Variants in CCDC40 observed in about 807,000 individuals in gnomAD.
CCDC40 encodes the protein coiled-coil domain-containing protein 40.
Under a neutral mutation model 124.5 loss-of-function variants are expected in CCDC40, and 104 were observed. That is an observed-to-expected ratio of 0.84 (90% confidence interval 0.71 to 0.98). The LOEUF (loss-of-function observed/expected upper bound fraction) is 0.98, where lower values mean the gene tolerates loss of function less well. CCDC40 is among the 50% of genes least tolerant of loss of function. CCDC40 has a pLI of 0.00. For missense variants in CCDC40, 1,463 were observed against 1,503.9 expected, an observed-to-expected ratio of 0.97 and a Z score of 0.45; for synonymous variants, 580 against 602.9, an observed-to-expected ratio of 0.96 and a Z score of 0.56.
rs577102852 is a variant in CCDC40, at chr17:80,040,281, C to G, written c.552+11C>G. ...GCAGTGGGCAGATTGGTGAGTAGCC[C>G]TGACTTCTGTTTTGTGCCAGTGTCG... On this transcript the variant is annotated intron_variant, in intron 3 of 19. Transcript: ENST00000397545. 3.7e-6 allele frequency: 6 copies of G among 1,611,700 alleles called. No homozygotes were observed. The highest frequency in any genetic ancestry group is 1.7e-5 in the Admixed American group (1 of 59,862).
At chr17:80,094,382 A>G (rs1012857890) in intron 17 of CCDC40, among the ~76,000 whole-genome samples, 1 of 151,872 alleles carries the variant, frequency 6.6e-6, no homozygotes, top group African/African-American at 2.4e-5. Context: ...ATCGCACTCC[A>G]GCCTGGGCAA....
intron 3 of CCDC40, among the ~76,000 whole-genome samples, chr17:80,045,058 T>C (rs1310843014): frequency 6.6e-6 from 1 of 152,196 alleles, no homozygotes; most frequent in Non-Finnish European, 1.5e-5. Flanking sequence ...CTCCCGTTAA[T>C]GTTGTTGTGG....
Position 80,085,402 on chromosome 17 carries a change from A to G in CCDC40, c.2235+414A>G, listed in dbSNP as rs1035070952. ...CCTAATGCGTTTGAGGCCTGATGCC[A>G]TATACGTCATCCAGGTCCCTGTACT... On this transcript the variant is annotated intron_variant, in intron 13 of 19. Coordinates refer to ENST00000397545, the MANE Select transcript of CCDC40 (RefSeq NM_017950.4). Among the ~76,000 whole-genome samples, 4 of 152,336 alleles carry G rather than the reference A, an allele frequency of 2.6e-5. No individual in the cohort carries two copies. In the South Asian group the frequency reaches 8.3e-4, roughly 32 times the overall value.
chr17:80,065,039 G>A (rs1425896739), intron 9 of CCDC40, among the ~76,000 whole-genome samples: 4 of 117,304 alleles, frequency 3.4e-5, no homozygotes, highest in South Asian at 2.8e-4. Flanking sequence ...CTTCCTCTCC[G>A]TCTTCCCCCT....
At position 80,058,702 on chromosome 17, in the gene CCDC40, C is replaced by CA; in HGVS notation, c.1317+56dup. On this transcript the variant is annotated intron_variant, in intron 8 of 19. Coordinates refer to ENST00000397545, the MANE Select transcript of CCDC40 (RefSeq NM_017950.4). The surrounding 1 kb of genome is among the most constrained non-coding windows in gnomAD (Gnocchi z 4.2). ...TAATGATCACCAGACCGTGGAGCTT[C>CA]AAAAAGGGGCTCAGCTTTGCCTCCT... 1 of 1,610,108 alleles carries CA rather than the reference C, an allele frequency of 6.2e-7. No individual in the cohort carries two copies. The highest frequency in any genetic ancestry group is 8.5e-7 in the Non-Finnish European group (1 of 1,176,490).
chr17:80,050,083 G>A lies in CCDC40; in HGVS notation c.959G>A (p.Ser320Asn), dbSNP rs2037541507. 1 of 1,613,734 alleles carries A rather than the reference G, an allele frequency of 6.2e-7. No individual in the cohort carries two copies. The highest frequency in any genetic ancestry group is 1.7e-5 in the Admixed American group (1 of 59,994). ...GTCCAGGTTGTGGCTACCAAGCAGAGCCGAGCCCAGCGGCAGGAGCTGGGG... is the reference window on the plus strand; with the variant it reads ...GTCCAGGTTGTGGCTACCAAGCAGAACCGAGCCCAGCGGCAGGAGCTGGGG... Reference protein sequence around the residue: ...LQELVVATKQSRAQRQELGVN... With the variant: ...LQELVVATKQNRAQRQELGVN... The change falls in exon 7 of 20, where the codon AGC becomes AAC. Residue 320 changes from serine (S) to asparagine (N), a missense_variant. Transcript: ENST00000397545.
intron 3 of CCDC40, among the ~76,000 whole-genome samples, chr17:80,041,998 G>A (rs574232885): frequency 4.6e-5 from 7 of 152,122 alleles, no homozygotes; most frequent in Non-Finnish European, 1.0e-4. Flanking sequence ...AAGATAGGAA[G>A]GCGAATACTA....
At chr17:80,043,763 C>T (rs1364472157) in intron 3 of CCDC40, among the ~76,000 whole-genome samples, 3 of 151,902 alleles carry the variant, frequency 2.0e-5, no homozygotes, top group African/African-American at 7.3e-5. Context: ...AGTCAATCCT[C>T]CCTCCTCAAC....
chr17:80,037,688 A>AAAAAAAAATATATATATATATATATAT, intron 1 of CCDC40, among the ~76,000 whole-genome samples: 2 of 45,678 alleles, frequency 4.4e-5, no homozygotes, highest in African/African-American at 1.2e-4. Context: ...TTTTTTAAAA[A>AAAAAAAAATATATATATATATATATAT]AGATATACAT....
At chr17:80,079,630 G>T (rs921197402) in intron 10 of CCDC40, among the ~76,000 whole-genome samples, 2 of 152,036 alleles carry the variant, frequency 1.3e-5, no homozygotes, top group African/African-American at 4.8e-5. Flanking sequence ...ATTAAAAATA[G>T]ATACTGGATC....
At chr17:80,097,688 G>C (rs530077389) in intron 19 of CCDC40, 40 of 454,192 alleles carry the variant, frequency 8.8e-5, no homozygotes, top group Non-Finnish European at 1.6e-4. Flanking sequence ...TGCTCTTAGA[G>C]GTTACCTCCT....
At chr17:80,041,074 A>G (rs1271696680) in intron 3 of CCDC40, among the ~76,000 whole-genome samples, 1 of 152,226 alleles carries the variant, frequency 6.6e-6, no homozygotes, top group Admixed American at 6.5e-5. Flanking sequence ...AACAATCACA[A>G]AGTTACAGAA....
In CCDC40 at chr17:80,050,166, A is replaced by T; in HGVS notation, c.1042A>T (p.Ser348Cys). ...LVHLQKLLEK[S>C]HDRHAMASSE... ...ACACCTGCAGAAGCTGCTGGAGAAG[A>T]GTCACGACCGCCACGCAATGGCCTC... The change falls in exon 7 of 20, where the codon AGT becomes TGT. Residue 348 changes from serine (S) to cysteine (C), a missense_variant. Ser to Cys is a moderately radical substitution (Grantham distance 112, BLOSUM62 -1). Coordinates refer to ENST00000397545, the MANE Select transcript of CCDC40 (RefSeq NM_017950.4). The T allele has an allele frequency of 1.2e-6, 2 of 1,613,562 alleles. No homozygotes were observed. Among genetic ancestry groups the T allele is most frequent in the African/African-American group, 1.3e-5 (1 of 75,058 alleles).
At chr17:80,081,290 C>T (rs1241641004) in intron 10 of CCDC40, among the ~76,000 whole-genome samples, 2 of 151,980 alleles carry the variant, frequency 1.3e-5, no homozygotes, top group Non-Finnish European at 2.9e-5. Context: ...GAGGTTGAGG[C>T]ATGAGACTCG....
rs1475989935 is a variant in CCDC40, at chr17:80,089,902, G to A, written c.2832+18G>A. 1.9e-6 allele frequency: 3 copies of A among 1,613,652 alleles called. No homozygotes were observed. Among genetic ancestry groups the A allele is most frequent in the Non-Finnish European group, 2.5e-6 (3 of 1,179,870 alleles). ...GGATGAAGGTGAGGGGAGGAGAGCG[G>A]CGTGGCAGGGCCTGCTGGGTGCCAG... is the stretch of plus-strand genomic sequence containing the variant. On this transcript the variant is annotated intron_variant, in intron 17 of 19. Coordinates refer to ENST00000397545, the MANE Select transcript of CCDC40 (RefSeq NM_017950.4).
intron 9 of CCDC40, among the ~76,000 whole-genome samples, chr17:80,062,462 ACCC>A (rs2037929132): frequency 1.9e-5 from 1 of 52,000 alleles, no homozygotes; most frequent in African/African-American, 7.2e-5. Context: ...CCCTCCCCCC[ACCC>A]CACAACAGGC....
At chr17:80,078,370 A>C (rs1427730512) in intron 10 of CCDC40, among the ~76,000 whole-genome samples, 1 of 151,308 alleles carries the variant, frequency 6.6e-6, no homozygotes, top group African/African-American at 2.4e-5. Context: ...AGAAATGTCT[A>C]AGGGTCACGA....
intron 1 of CCDC40, 71 bp downstream of exon 1, chr17:80,036,762 C>T: frequency 7.2e-7 from 1 of 1,396,676 alleles, no homozygotes; most frequent in Non-Finnish European, 9.5e-7. Flanking sequence ...CTCCAGGTGG[C>T]CCCCGCGTCG....
chr17:80,048,854 C>A, intron 5 of CCDC40, 93 bp downstream of exon 5: 2 of 1,133,166 alleles, frequency 1.8e-6, no homozygotes, highest in Non-Finnish European at 2.6e-6. Flanking sequence ...CACTCCTGAC[C>A]CTAAATGCTG....
Sources: gnomAD v4.1 joint callset for allele counts (sites outside exome capture counted in the v4.1 genomes callset) on GRCh38, gnomAD v4.1.1 for gene constraint, Gnocchi (gnomAD v3.1) non-coding constraint, MANE v1.5 for transcripts, NCBI Gene and HGNC (gene_info 2026-07-23, HGNC 2026-07-21) for gene names.